Variants in SPATA7 observed in about 807,000 individuals in gnomAD.
SPATA7 encodes the protein spermatogenesis-associated protein 7.
A neutral mutation model predicts 51.8 loss-of-function variants in SPATA7; 43 were observed. The ratio of observed to expected loss-of-function variants is 0.83; its 90% CI spans 0.65 to 1.07. The LOEUF (loss-of-function observed/expected upper bound fraction) is 1.07, where lower values mean the gene tolerates loss of function less well. Among genes scored for constraint, SPATA7 ranks in the 50% least tolerant of loss-of-function variants. The pLI is 0.00. For missense variants in SPATA7, 683 were observed against 701.3 expected (o/e 0.97, Z 0.30); for synonymous variants, 230 against 252.8 (o/e 0.91, Z 0.86).
rs1005866862 is a variant in SPATA7 at position 88,416,556 on chromosome 14, G to T, written c.239-155G>T. On this transcript the variant is annotated intron_variant, in intron 4 of 11. Transcript: ENST00000393545. ...ATGTGAAATAAATAATTTTTAAAAT[G>T]TGTTAGTAACTCTTTATATAGGAAA... 20 of 633,974 alleles carry T rather than the reference G, an allele frequency of 3.2e-5. No homozygotes were observed. In the Admixed American group the frequency reaches 4.4e-4, roughly 14 times the overall value. The allele number at this position is 633,974 out of a possible 1,614,324, so 39.3% of individuals were successfully genotyped here.
intron 9 of SPATA7, chr14:88,432,543 G>A (rs993438568): frequency 6.6e-6 from 1 of 152,160 alleles, no homozygotes; most frequent in East Asian, 1.9e-4. Flanking sequence ...ATTACCACAA[G>A]ATTTATGTTC....
At chr14:88,449,493 T>C (rs771689728) in intron 3 of SPATA7, among the ~76,000 whole-genome samples, 10 of 152,184 alleles carry the variant, frequency 6.6e-5, no homozygotes, top group African/African-American at 2.4e-4. Flanking sequence ...TTGTGGCCTA[T>C]CATATATGGT....
At chr14:88,421,584 G>C (rs2076643578) in intron 5 of SPATA7, among the ~76,000 whole-genome samples, 1 of 152,146 alleles carries the variant, frequency 6.6e-6, no homozygotes, top group South Asian at 2.1e-4. Flanking sequence ...GCAGTAATCT[G>C]GGAAGCAGTA....
intron 4 of SPATA7, chr14:88,465,697 A>G (rs1566800332): frequency 6.6e-6 from 1 of 152,188 alleles, no homozygotes; most frequent in African/African-American, 2.4e-5. Context: ...AGACATTAAT[A>G]TACTCATTTC....
chr14:88,437,179 A>G (rs941582458), intron 10 of SPATA7, among the ~76,000 whole-genome samples: 1 of 151,428 alleles, frequency 6.6e-6, no homozygotes, highest in Non-Finnish European at 1.5e-5. Flanking sequence ...ATATCTCTGT[A>G]AGAGGTTTTT....
downstream of SPATA7, among the ~76,000 whole-genome samples, chr14:88,440,422 A>G (rs1241554853): frequency 1.3e-5 from 2 of 152,232 alleles, no homozygotes; most frequent in Non-Finnish European, 2.9e-5. Flanking sequence ...GAGTTGATTT[A>G]AAGAAATATT....
downstream of SPATA7, among the ~76,000 whole-genome samples, chr14:88,457,417 G>T (rs1037438195): frequency 6.6e-6 from 1 of 152,186 alleles, no homozygotes; most frequent in Non-Finnish European, 1.5e-5. Context: ...GTGGTTTGTA[G>T]TTCTCCTTGA....
At chr14:88,455,869 C>G (rs1333656292), downstream of SPATA7, among the ~76,000 whole-genome samples, 1 of 126,104 alleles carries the variant, frequency 7.9e-6, no homozygotes, top group Non-Finnish European at 1.6e-5. Flanking sequence ...AATGCTATCC[C>G]TCCCCCTCCC....
At chr14:88,418,555 A>G (rs1488652243) in intron 5 of SPATA7, among the ~76,000 whole-genome samples, 1 of 150,124 alleles carries the variant, frequency 6.7e-6, no homozygotes, top group Admixed American at 6.6e-5. Flanking sequence ...GCTCACTGCA[A>G]CCTCCGCCTC....
At chr14:88,401,151 G>A (rs2139903038) in intron 4 of SPATA7, among the ~76,000 whole-genome samples, 1 of 152,236 alleles carries the variant, frequency 6.6e-6, no homozygotes, top group South Asian at 2.1e-4. Flanking sequence ...CAAACACCAT[G>A]ACCAAGTCAG....
At chr14:88,460,936 C>T (rs972606605) in intron 4 of SPATA7, among the ~76,000 whole-genome samples, 1 of 152,178 alleles carries the variant, frequency 6.6e-6, no homozygotes, top group Non-Finnish European at 1.5e-5. Flanking sequence ...CAGTCAGGAC[C>T]CTCAGCTGCA....
intron 4 of SPATA7, chr14:88,468,957 T>C: frequency 5.6e-6 from 9 of 1,614,080 alleles, no homozygotes; most frequent in Non-Finnish European, 5.1e-6. Context: ...TCCGACAAAA[T>C]CACCACGCCA....
chr14:88,426,855 A>T (rs1234301951), intron 6 of SPATA7, 151 bp downstream of exon 6: 2 of 773,544 alleles, frequency 2.6e-6, no homozygotes, highest in African/African-American at 3.5e-5. Flanking sequence ...TTTTCCATGT[A>T]TCACTAGAAC....
chr14:88,406,403 C>A (rs949205306), intron 4 of SPATA7, among the ~76,000 whole-genome samples: 2 of 149,892 alleles, frequency 1.3e-5, no homozygotes, highest in African/African-American at 4.9e-5. Flanking sequence ...CTGCAAATTC[C>A]TACCCCTAGC....
At chr14:88,396,741 G>A (rs538501177) in intron 4 of SPATA7, among the ~76,000 whole-genome samples, 2 of 152,284 alleles carry the variant, frequency 1.3e-5, no homozygotes, top group South Asian at 2.1e-4. Flanking sequence ...ATGGACATGA[G>A]TATACAAATA....
Position 88,427,869 on chromosome 14 carries a change from C to G in SPATA7, c.912+173C>G, listed in dbSNP as rs931618833. The G allele has an allele frequency of 5.7e-6, 3 of 522,158 alleles. No individual in the cohort carries two copies. The African/African-American group carries it at 5.8e-5, about 10-fold the overall frequency. The allele number at this position is 522,158 out of a possible 1,614,324, so 32.3% of individuals were successfully genotyped here. On this transcript the variant is annotated intron_variant, in intron 7 of 11. Transcript: ENST00000393545. Reference sequence around the variant, plus strand: ...CCTATTTACAAATGGTTATAGCTCTCTCTGAATGGCCAGGTGGATCCTGCC... The same window carrying G: ...CCTATTTACAAATGGTTATAGCTCTGTCTGAATGGCCAGGTGGATCCTGCC...
intron 2 of SPATA7, among the ~76,000 whole-genome samples, chr14:88,393,151 T>C (rs1233254980): frequency 2.0e-5 from 3 of 152,080 alleles, no homozygotes; most frequent in Non-Finnish European, 4.4e-5. Flanking sequence ...TATCCTAGAA[T>C]CTCTTCCCCA....
chr14:88,455,355 T>G, downstream of SPATA7: 1 of 198,444 alleles, frequency 5.0e-6, no homozygotes, highest in Non-Finnish European at 1.1e-5. Context: ...GCCTGGTACA[T>G]TATTAAAAAT....
intron 4 of SPATA7, among the ~76,000 whole-genome samples, chr14:88,397,814 G>T (rs181672218): frequency 1.1e-4 from 16 of 152,138 alleles, no homozygotes; most frequent in African/African-American, 3.6e-4. Flanking sequence ...CTTTGTTTTT[G>T]ATTTCAATTA....
Sources: gnomAD v4.1 joint callset for allele counts (sites outside exome capture counted in the v4.1 genomes callset) on GRCh38, gnomAD v4.1.1 for gene constraint, MANE v1.5 for transcripts, NCBI Gene and HGNC (gene_info 2026-07-23, HGNC 2026-07-21) for gene names.